UPF3B: variants seen among roughly 807,000 people sequenced by gnomAD.
The protein encoded by UPF3B is regulator of nonsense transcripts 3B.
Under a neutral mutation model 40.3 loss-of-function variants are expected in UPF3B, and 7 were observed. The ratio of observed to expected loss-of-function variants is 0.17; its 90% CI spans 0.10 to 0.33. The LOEUF is 0.33. Among genes scored for constraint, UPF3B ranks in the 10% least tolerant of loss-of-function variants. The pLI is 1.00. For synonymous variants in UPF3B, 117 were observed against 117.3 expected (o/e 1.00, Z 0.01); for missense variants, 229 against 358.9 (o/e 0.64, Z 2.93).
At chrX:119,849,949 C>CAAAAG (rs2056280732) in intron 3 of UPF3B, among the ~76,000 whole-genome samples, 1 of 106,543 alleles carries the variant, frequency 9.4e-6, no homozygotes, top group Non-Finnish European at 1.9e-5. Flanking sequence ...CAAAACAAAA[C>CAAAAG]AAACAAACAA....
chrX:119,816,032 T>C (rs751362530), intron 4 of UPF3B, among the ~76,000 whole-genome samples: 7 of 111,531 alleles, frequency 6.3e-5, no homozygotes, highest in Non-Finnish European at 1.1e-4. Flanking sequence ...TCCACCTGCC[T>C]CGGCCTCCCA....
At chrX:119,821,575 A>C (rs775497750) in intron 4 of UPF3B, among the ~76,000 whole-genome samples, 1 of 112,504 alleles carries the variant, frequency 8.9e-6, no homozygotes, top group South Asian at 3.7e-4. Flanking sequence ...AGGCCGGTGG[A>C]TCACGAGGTC....
At position 119,834,911 on chromosome X, in the gene UPF3B, A is replaced by C; in HGVS notation, c.1419T>G (p.Gly473=). The C allele has an allele frequency of 8.3e-7, 1 of 1,211,632 alleles. No homozygotes were observed. Among genetic ancestry groups the C allele is most frequent in the Non-Finnish European group, 1.1e-6 (1 of 895,547 alleles). ...CTCCTCCTTCTTTTCTATGGCTAAT[A>C]CCACTTTCCTGCTTCCTTTCTGCTG... ...DSAAERKQES[G]ISHRKEGGEE is the part of the protein sequence containing the mutation. Residue 473 remains glycine (G), a synonymous_variant, in exon 11 of 11, where the codon GGT becomes GGG. Transcript: ENST00000276201.
chrX:119,837,489 G>A (rs770780636), intron 10 of UPF3B, among the ~76,000 whole-genome samples: 10 of 107,336 alleles, frequency 9.3e-5, no homozygotes, highest in East Asian at 6.0e-4. Context: ...GGTGGTGGGC[G>A]CCTGTAGTCC....
intron 3 of UPF3B, among the ~76,000 whole-genome samples, chrX:119,849,493 C>CAA (rs761205524): frequency 0.015 from 692 of 46,338 alleles, 5 homozygotes; most frequent in African/African-American, 0.04. Flanking sequence ...GACTCTGTCT[C>CAA]AAAAAAAAAA....
intron 4 of UPF3B, among the ~76,000 whole-genome samples, chrX:119,817,266 C>T (rs773780114): frequency 5.4e-5 from 6 of 111,996 alleles, no homozygotes; most frequent in East Asian, 2.8e-4. Flanking sequence ...CAAGCCCAGC[C>T]GAAGAGGTTT....
intron 3 of UPF3B, among the ~76,000 whole-genome samples, chrX:119,849,503 A>AG (rs1556382568): frequency 3.0e-4 from 30 of 101,325 alleles, no homozygotes; most frequent in East Asian, 6.4e-4. Context: ...CAAAAAAAAA[A>AG]AGAGAGAGAG....
At chrX:119,814,859 CTTTTTTTTTTTT>C (rs140201169) in intron 5 of UPF3B, among the ~76,000 whole-genome samples, 16 of 46,261 alleles carry the variant, frequency 3.5e-4, no homozygotes, top group African/African-American at 9.1e-4. Flanking sequence ...TTCTTTCTTT[CTTTTTTTTTTTT>C]TTTTTTTTTT....
At chrX:119,829,108 G>T (rs944673411), downstream of UPF3B, among the ~76,000 whole-genome samples, 1 of 111,403 alleles carries the variant, frequency 9.0e-6, no homozygotes, top group African/African-American at 3.3e-5. Context: ...TGCAATGTCC[G>T]CCTCCCCGGT....
chrX:119,813,024 T>A (rs973017409), intron 5 of UPF3B, among the ~76,000 whole-genome samples: 2 of 111,658 alleles, frequency 1.8e-5, no homozygotes, highest in Non-Finnish European at 3.8e-5. Context: ...TCATTTACTT[T>A]CAGTCATTAT....
At chrX:119,845,365 A>T (rs2056214780) in intron 3 of UPF3B, 69 bp from the exon 4 acceptor site, 13 of 920,512 alleles carry the variant, frequency 1.4e-5, no homozygotes, top group African/African-American at 1.9e-5. Context: ...AAGGGAATCA[A>T]CCCATTGCTT....
At chrX:119,841,659 A>G in intron 6 of UPF3B, 76 bp downstream of exon 6, 1 of 978,456 alleles carries the variant, frequency 1.0e-6, no homozygotes. Context: ...TAGAAACCCA[A>G]TGCTCTTAAA....
intron 3 of UPF3B, among the ~76,000 whole-genome samples, chrX:119,845,546 T>C (rs2056217682): frequency 1.8e-5 from 2 of 112,238 alleles, no homozygotes. Context: ...ACTTATAAAA[T>C]GTGATATTTT....
chrX:119,815,397 ACTAAAGTCC>A, intron 4 of UPF3B: 3 of 382,243 alleles, frequency 7.8e-6, no homozygotes, highest in Non-Finnish European at 1.0e-5. Flanking sequence ...ATTAATATAT[ACTAAAGTCC>A]AGTCATTTAA....
Position 119,841,228 on chromosome X carries a change from T to G in UPF3B, c.655A>C (p.Arg219=), listed in dbSNP as rs761343515. ...RMREEKREER[R]RREIERKRQR... The stretch of plus-strand genomic sequence containing the variant: ...CTTTTTCTTTCTATTTCTCTCCTCC[T>G]CCTTTCTTCTCTCTTTTCTTCTCTC... The change falls in exon 7 of 11, where the codon AGG becomes CGG. Residue 219 remains arginine (R), a synonymous_variant. Transcript: ENST00000276201. 11 of 1,185,494 alleles carry G rather than the reference T, an allele frequency of 9.3e-6. No individual in the cohort carries two copies. The Admixed American group carries it at 2.2e-4, about 24-fold the overall frequency.
chrX:119,842,484 G>A (rs2056172526), intron 5 of UPF3B, among the ~76,000 whole-genome samples: 1 of 109,153 alleles, frequency 9.2e-6, no homozygotes, highest in African/African-American at 3.3e-5. Context: ...TCGGGAGACT[G>A]CGGCAGAATC....
rs2055863024 is a variant in UPF3B, at chrX:119,816,072, A to G, written c.495-765T>C. Among the ~76,000 whole-genome samples, 3 of 111,607 alleles carry G rather than the reference A, an allele frequency of 2.7e-5. No homozygotes were observed. In the Admixed American group the frequency reaches 2.9e-4, roughly 11 times the overall value. The stretch of plus-strand genomic sequence containing the variant: ...GCTGGGATTACAGGCATGAGCCACC[A>G]TGCCTGGCCTATAGTTATTAAGGAC... On this transcript the variant is annotated intron_variant, in intron 4 of 6. Transcript: ENST00000636792.
In UPF3B at chrX:119,842,629, C is replaced by CACACAG. The variant is rs202167619; in HGVS notation, c.580+561_580+562insCTGTGT. On this transcript the variant is annotated intron_variant, in intron 5 of 10. Coordinates refer to ENST00000276201, the MANE Select transcript of UPF3B (RefSeq NM_080632.3). ...ATACACACACACACACACACACACA[C>CACACAG]AGAGAGAGAGCGAGCGAGCAAGCAA... Among the ~76,000 whole-genome samples, 96 of 107,232 alleles carry CACACAG rather than the reference C, an allele frequency of 9.0e-4. No homozygotes were observed. The Middle Eastern group carries it at 0.014, about 16-fold the overall frequency. The allele number at this position is 107,232 out of a possible 115,157, so 93.1% of individuals were successfully genotyped here.
intron 7 of UPF3B, 84 bp downstream of exon 7, chrX:119,840,992 C>T (rs2147786945): frequency 9.5e-7 from 1 of 1,053,828 alleles, no homozygotes; most frequent in Non-Finnish European, 1.3e-6. Context: ...AATTCATTTA[C>T]ACCAACACAA....
Sources: gnomAD v4.1 joint callset for allele counts (sites outside exome capture counted in the v4.1 genomes callset) on GRCh38, gnomAD v4.1.1 for gene constraint, MANE v1.5 for transcripts, NCBI Gene and HGNC (gene_info 2026-07-23, HGNC 2026-07-21) for gene names.